The following SHKBP1 variants were observed in gnomAD, a reference collection of about 807,000 sequenced individuals.
SHKBP1 encodes the protein SH3KBP1 binding protein 1.
Under a neutral mutation model 83.9 loss-of-function variants are expected in SHKBP1, and 71 were observed. The observed-to-expected ratio is 0.85, with a 90% CI of 0.70 to 1.03. SHKBP1 has a LOEUF of 1.03. SHKBP1 is among the 50% of genes least tolerant of loss of function. The pLI is 0.00. For missense variants in SHKBP1, 824 were observed against 982.4 expected (o/e 0.84, Z 2.16); for synonymous variants, 371 against 398.0 (o/e 0.93, Z 0.81).
chr19:40,581,732 A>G (rs2081271942), intron 9 of SHKBP1, among the ~76,000 whole-genome samples: 1 of 152,092 alleles, frequency 6.6e-6, no homozygotes, highest in African/African-American at 2.4e-5. Flanking sequence ...AGCCACAGCA[A>G]CAAATCTCGG....
At position 40,577,420 on chromosome 19, in the gene SHKBP1, G is replaced by T; in HGVS notation, c.165G>T (p.Thr55=). The T allele has an allele frequency of 1.2e-6, 2 of 1,613,974 alleles. No homozygotes were observed. The highest frequency in any genetic ancestry group is 4.5e-5 in the East Asian group (2 of 44,852). ...GTCTTCTGAGCGGACGCATCTCGAC[G>T]CTGAAAGATGAGACCGGAGCAGTGA... is the stretch of plus-strand genomic sequence containing the variant. ...FSSLLSGRIS[T]LKDETGAIFI... Residue 55 remains threonine, a synonymous_variant, in exon 3 of 18, where the codon ACG becomes ACT. Transcript: ENST00000291842.
chr19:40,581,449 A>G (rs905820441), intron 9 of SHKBP1, among the ~76,000 whole-genome samples: 2 of 151,364 alleles, frequency 1.3e-5, no homozygotes, highest in African/African-American at 4.8e-5. Context: ...TGGGAGGCAG[A>G]TGTTGCAGTG....
rs371411052 is a variant in SHKBP1 at position 40,582,331 on chromosome 19, G to A, written c.845-20G>A. 19 of 1,599,236 alleles carry A rather than the reference G, an allele frequency of 1.2e-5. No individual in the cohort carries two copies. In the African/African-American group the frequency reaches 1.9e-4, roughly 16 times the overall value. ...CTCCATGAGGCAGGGTTCCAGCTGA[G>A]CCCTTTTTGCCCACTGCAGGGGTCT... On this transcript the variant is annotated intron_variant, in intron 9 of 17. Transcript: ENST00000291842.
intron 13 of SHKBP1, among the ~76,000 whole-genome samples, 184 bp from the exon 14 acceptor site, chr19:40,588,440 T>C (rs2081329035): frequency 6.6e-6 from 1 of 151,856 alleles, no homozygotes; most frequent in Non-Finnish European, 1.5e-5. Context: ...TCTGGAACAG[T>C]TTTGGAGGCA....
At position 40,590,243 on chromosome 19, in the gene SHKBP1, G is replaced by C; in HGVS notation, c.1590-1G>C. 6.3e-7 allele frequency: 1 copy of C among 1,579,932 alleles called. No homozygotes were observed. Among genetic ancestry groups the C allele is most frequent in the South Asian group, 1.1e-5 (1 of 87,308 alleles). On this transcript the variant is annotated splice_acceptor_variant, in intron 15 of 17. Transcript: ENST00000291842. LOFTEE classifies it high-confidence loss of function. This position sits in a 1 kb window ranked among gnomAD's most constrained non-coding sequence, Gnocchi z 4.6. ...ACCACCTCCCCCACTGCACCCCCCA[G>C]GGTGTGCTCCGTGCGCTCCGTGGAC...
At chr19:40,588,502 G>C in intron 13 of SHKBP1, 122 bp from the exon 14 acceptor site, 1 of 1,246,200 alleles carries the variant, frequency 8.0e-7, no homozygotes, top group South Asian at 1.3e-5. Flanking sequence ...AGGATTCTCT[G>C]AAAGGGAAGA....
intron 10 of SHKBP1, 68 bp from the exon 11 acceptor site, chr19:40,583,330 G>C: frequency 7.4e-7 from 1 of 1,352,428 alleles, no homozygotes; most frequent in Non-Finnish European, 1.0e-6. Flanking sequence ...CATCCTCTGT[G>C]AGGGGTCACC....
chr19:40,588,612 T>TG lies in SHKBP1; in HGVS notation c.1337-11dup. 6.2e-7 allele frequency: 1 copy of TG among 1,614,130 alleles called. No homozygotes were observed. The highest frequency in any genetic ancestry group is 8.5e-7 in the Non-Finnish European group (1 of 1,179,986). ...ACCAGGCCTGACTTCCTGCTCTCCT[T>TG]GTGCCCCTCAGTCTGTGCCGACAAC... On this transcript the variant is annotated splice_polypyrimidine_tract_variant and intron_variant, in intron 13 of 17. Transcript: ENST00000291842.
rs768764327 is a variant in SHKBP1 at position 40,589,136 on chromosome 19, G to A, written c.1547G>A (p.Ser516Asn). 3.1e-6 allele frequency: 5 copies of A among 1,613,474 alleles called. No homozygotes were observed. In the Admixed American group the frequency reaches 8.3e-5, roughly 27 times the overall value. ...QQVFIQKVVP[S>N]ASQLFVRLSS... Reference sequence around the variant, plus strand: ...GTGTTCATCCAGAAGGTGGTGCCCAGTGCCAGCCAGCTCTTCGTGCGTCTC... The same window carrying A: ...GTGTTCATCCAGAAGGTGGTGCCCAATGCCAGCCAGCTCTTCGTGCGTCTC... The change falls in exon 15 of 18, where the codon AGT (serine) becomes AAT (asparagine). Residue 516 changes from serine to asparagine, a missense_variant. Transcript: ENST00000291842.
intron 14 of SHKBP1, 148 bp downstream of exon 14, chr19:40,588,927 C>T: frequency 2.3e-6 from 3 of 1,283,790 alleles, no homozygotes; most frequent in Non-Finnish European, 3.2e-6. Flanking sequence ...GCTCCACTGA[C>T]TGCCACAACC....
At chr19:40,577,680 G>A (rs766043629) in intron 4 of SHKBP1, 50 bp downstream of exon 4, 2 of 1,593,406 alleles carry the variant, frequency 1.3e-6, no homozygotes, top group Non-Finnish European at 8.6e-7. Context: ...CAGTCCCTGA[G>A]GAGTTCTTTC....
At chr19:40,588,455 C>T (rs539415090) in intron 13 of SHKBP1, among the ~76,000 whole-genome samples, 169 bp from the exon 14 acceptor site, 16 of 152,272 alleles carry the variant, frequency 1.1e-4, no homozygotes, top group African/African-American at 3.9e-4. Context: ...GAGGCAGAGG[C>T]AACAGGGTTT....
chr19:40,589,497 C>T (rs2081339573), intron 15 of SHKBP1, among the ~76,000 whole-genome samples: 1 of 41,150 alleles, frequency 2.4e-5, no homozygotes, highest in Non-Finnish European at 4.7e-5. Context: ...GATGGGGGCC[C>T]AGGGGGAGAG....
intron 15 of SHKBP1, 89 bp downstream of exon 15, chr19:40,589,267 C>T: frequency 7.6e-7 from 1 of 1,323,516 alleles, no homozygotes; most frequent in East Asian, 2.5e-5. Context: ...CTAGCCAGAT[C>T]ACTGAGGCCA....
At position 40,578,576 on chromosome 19, in the gene SHKBP1, G is replaced by A. The variant is rs376415474; in HGVS notation, c.400+34G>A. On this transcript the variant is annotated intron_variant, in intron 6 of 17. Coordinates refer to ENST00000291842, the MANE Select transcript of SHKBP1 (RefSeq NM_138392.4). Reference sequence around the variant, plus strand: ...TCCCAATGGAATGGAGGGGCGCGGAGGTGGGCCAAAGACTACATTTCCCAT... The same window carrying A: ...TCCCAATGGAATGGAGGGGCGCGGAAGTGGGCCAAAGACTACATTTCCCAT... The A allele has an allele frequency of 7.9e-5, 126 of 1,596,540 alleles. No individual in the cohort carries two copies. In the Middle Eastern group the frequency reaches 5.7e-3, roughly 72 times the overall value.
chr19:40,584,999 A>G (rs2081299866), intron 12 of SHKBP1, among the ~76,000 whole-genome samples: 1 of 152,178 alleles, frequency 6.6e-6, no homozygotes, highest in Admixed American at 6.5e-5. Context: ...TCTAGGTTAC[A>G]AAGATCTTCT....
In SHKBP1 at chr19:40,580,928, C is replaced by G. The variant is rs760722549; in HGVS notation, c.836C>G (p.Ser279Cys). The G allele has an allele frequency of 3.2e-6, 5 of 1,565,018 alleles. No homozygotes were observed. The Admixed American group carries it at 7.5e-5, about 23-fold the overall frequency. ...LWALQAEGGG[S>C]EIGVFHLGVP... ...GCTCTGCAGGCGGAAGGCGGTGGCTCCGAGATAGGTATGACCCCAAGCCTT... is the reference window on the plus strand; with the variant it reads ...GCTCTGCAGGCGGAAGGCGGTGGCTGCGAGATAGGTATGACCCCAAGCCTT... The change falls in exon 9 of 18, where the codon TCC (serine) becomes TGC (cysteine). Residue 279 changes from serine to cysteine, a missense_variant. By Grantham distance (112) the Ser-to-Cys change is moderately radical. This residue lies in a region of SHKBP1 where 355 missense variants were observed against 386.4 expected (regional missense o/e 0.92). Transcript: ENST00000291842.
At chr19:40,582,493 C>T in intron 10 of SHKBP1, 27 bp downstream of exon 10, 2 of 1,600,258 alleles carry the variant, frequency 1.2e-6, no homozygotes, top group Non-Finnish European at 1.7e-6. Context: ...GCCTGGCTGC[C>T]CCCTTCCCAG....
At chr19:40,589,710 G>T (rs1158561461) in intron 15 of SHKBP1, among the ~76,000 whole-genome samples, 1 of 152,000 alleles carries the variant, frequency 6.6e-6, no homozygotes, top group Non-Finnish European at 1.5e-5. Flanking sequence ...AAGAAAGAAG[G>T]CAGGGGAAGG....
Sources: gnomAD v4.1 joint callset for allele counts (sites outside exome capture counted in the v4.1 genomes callset) on GRCh38, gnomAD v4.1.1 for gene constraint, gnomAD v4.1.1 regional missense constraint, Gnocchi (gnomAD v3.1) non-coding constraint, MANE v1.5 for transcripts, NCBI Gene and HGNC (gene_info 2026-07-23, HGNC 2026-07-21) for gene names.